Variants in LCOR observed in about 807,000 individuals in gnomAD.
LCOR encodes the protein ligand dependent nuclear receptor corepressor, also known as ligand-dependent corepressor.
A neutral mutation model predicts 64.4 loss-of-function variants in LCOR; 14 were observed. That is an observed-to-expected ratio of 0.22 (90% CI 0.14 to 0.34). The LOEUF is 0.34. LCOR is among the 10% of genes least tolerant of loss of function. The probability of loss-of-function intolerance (pLI) is 1.00; values close to 1 mark genes in which losing one functional copy is unlikely to be tolerated. For synonymous variants in LCOR, 643 were observed against 642.5 expected, an observed-to-expected ratio of 1.00 and a Z score of -0.01; for missense variants, 1,686 against 1,765.3, an observed-to-expected ratio of 0.96 and a Z score of 0.80.
In LCOR at chr10:96,984,935, C is replaced by T. The variant is rs772837298; in HGVS notation, c.4475C>T (p.Thr1492Met). ...PSQSIASETL[T>M]KPAKQKGAGE... ...CAGTCTATTGCCTCGGAAACACTGA[C>T]GAAACCTGCAAAACAGAAGGGGGCC... is the stretch of plus-strand genomic sequence containing the variant. Residue 1492 changes from threonine to methionine, a missense_variant, in exon 8 of 8, where the codon ACG becomes ATG. Around this residue, in one of 3 missense-constraint regions of LCOR, gnomAD observed 1,293 missense variants for 1,410.4 expected, o/e 0.92. Transcript: ENST00000421806. The T allele has an allele frequency of 1.1e-5, 18 of 1,613,990 alleles. No homozygotes were observed. The East Asian group carries it at 2.0e-4, about 18-fold the overall frequency.
Position 96,984,812 on chromosome 10 carries a change from C to A in LCOR, c.4352C>A (p.Ser1451Tyr). The A allele has an allele frequency of 4.3e-6, 7 of 1,614,098 alleles. No individual in the cohort carries two copies. The highest frequency in any genetic ancestry group is 1.6e-4 in the Middle Eastern group (1 of 6,062). The stretch of plus-strand genomic sequence containing the variant: ...AGCAGCCAACCCCCCAAAAAGACGT[C>A]TTTGAAAGAGAATAAAGTGAAGATC... The part of the protein sequence containing the change: ...DRSSQPPKKT[S>Y]LKENKVKIPK... The change falls in exon 8 of 8, where the codon TCT becomes TAT. Residue 1451 changes from serine to tyrosine, a missense_variant. By Grantham distance (144) the Ser-to-Tyr change is moderately radical. Around this residue, in one of 3 missense-constraint regions of LCOR, gnomAD observed 1,293 missense variants for 1,410.4 expected, o/e 0.92. Coordinates refer to ENST00000421806, the MANE Select transcript of LCOR (RefSeq NM_001346516.2).
intron 4 of LCOR, among the ~76,000 whole-genome samples, chr10:96,932,531 T>A (rs948617335): frequency 3.9e-5 from 6 of 152,184 alleles, no homozygotes; most frequent in Non-Finnish European, 8.8e-5. Flanking sequence ...TGGTGCGATC[T>A]TGGTTCACTG....
chr10:96,908,499 A>C (rs947720891), intron 4 of LCOR, among the ~76,000 whole-genome samples: 2 of 152,224 alleles, frequency 1.3e-5, no homozygotes, highest in Non-Finnish European at 2.9e-5. Flanking sequence ...ACACTTCTTC[A>C]TAATATCTGG....
chr10:96,880,910 A>T (rs1209590940), intron 2 of LCOR, among the ~76,000 whole-genome samples: 1 of 152,256 alleles, frequency 6.6e-6, no homozygotes, highest in Non-Finnish European at 1.5e-5. Context: ...GTGACTGTCA[A>T]GTCTTTCAAG....
In LCOR at chr10:96,984,598, G is replaced by A; in HGVS notation, c.4138G>A (p.Gly1380Arg). The change falls in exon 8 of 8, where the codon GGA (glycine) becomes AGA (arginine). Residue 1380 changes from glycine to arginine, a missense_variant. Around this residue, in one of 3 missense-constraint regions of LCOR, gnomAD observed 1,293 missense variants for 1,410.4 expected, o/e 0.92. Transcript: ENST00000421806. ...GCCCAAGAGTACTGAAGGAATGAAG[G>A]GAAGGAAGGGGAAGCAGGTGTCTGA... ...VKPKSTEGMKGRKGKQVSEIL... is the reference protein window; with the variant it reads ...VKPKSTEGMKRRKGKQVSEIL... 1 of 1,614,182 alleles carries A rather than the reference G, an allele frequency of 6.2e-7. No homozygotes were observed. The highest frequency in any genetic ancestry group is 8.5e-7 in the Non-Finnish European group (1 of 1,180,032).
intron 2 of LCOR, among the ~76,000 whole-genome samples, chr10:96,903,418 A>G (rs955815681): frequency 2.6e-5 from 4 of 152,038 alleles, no homozygotes; most frequent in Non-Finnish European, 5.9e-5. Flanking sequence ...ATGTGATTGT[A>G]CTTTATTGAA....
intron 4 of LCOR, among the ~76,000 whole-genome samples, chr10:96,912,533 G>C (rs1410442321): frequency 1.3e-5 from 2 of 152,104 alleles, no homozygotes; most frequent in African/African-American, 2.4e-5. Flanking sequence ...CAGAAAGCAC[G>C]TGGTGATGTT....
chr10:96,890,773 A>G (rs1432439404), intron 2 of LCOR, among the ~76,000 whole-genome samples: 4 of 152,196 alleles, frequency 2.6e-5, no homozygotes, highest in Non-Finnish European at 1.5e-5. Context: ...GACTTTGTCC[A>G]GTGCTTTTCC....
At chr10:96,849,778 C>T (rs1365937092) in intron 2 of LCOR, among the ~76,000 whole-genome samples, 1 of 151,752 alleles carries the variant, frequency 6.6e-6, no homozygotes, top group East Asian at 1.9e-4. Context: ...AATAAGATGG[C>T]ATGTGTGCAG....
At chr10:96,901,167 C>T (rs1193631257) in intron 2 of LCOR, among the ~76,000 whole-genome samples, 4 of 151,474 alleles carry the variant, frequency 2.6e-5, no homozygotes, top group South Asian at 2.1e-4. Context: ...CCAGCCTGGG[C>T]GACAGAGACT....
intron 7 of LCOR, among the ~76,000 whole-genome samples, chr10:96,979,066 C>T (rs927442789): frequency 2.0e-5 from 3 of 152,212 alleles, no homozygotes; most frequent in African/African-American, 7.2e-5. Flanking sequence ...TCCACTGTGA[C>T]CCCACTGCTC....
chr10:96,925,527 C>T (rs1847153839), intron 4 of LCOR, among the ~76,000 whole-genome samples: 1 of 152,256 alleles, frequency 6.6e-6, no homozygotes, highest in African/African-American at 2.4e-5. Flanking sequence ...GATATATCCT[C>T]CTTTATGCAT....
intron 2 of LCOR, among the ~76,000 whole-genome samples, chr10:96,892,536 A>G (rs1846463989): frequency 6.6e-6 from 1 of 152,134 alleles, no homozygotes; most frequent in African/African-American, 2.4e-5. Flanking sequence ...TCACATGACA[A>G]AAGGATGAGG....
chr10:96,907,232 T>C (rs1281480587), intron 2 of LCOR, 33 bp from the exon 3 acceptor site: 6 of 766,960 alleles, frequency 7.8e-6, no homozygotes, highest in Non-Finnish European at 9.5e-6. Flanking sequence ...ATGAATATTA[T>C]TGTGGTAATG....
chr10:96,873,567 CACACGTGTGTGTGTGTGTGTGT>C (rs1234268620), intron 2 of LCOR, among the ~76,000 whole-genome samples: 15 of 118,444 alleles, frequency 1.3e-4, no homozygotes, highest in Admixed American at 4.5e-4. Context: ...TACACACACA[CACACGTGTGTGTGTGTGTGTGT>C]GTGTGTGTGT....
intron 2 of LCOR, among the ~76,000 whole-genome samples, chr10:96,868,574 G>A (rs545721962): frequency 3.3e-5 from 5 of 152,016 alleles, no homozygotes; most frequent in African/African-American, 7.2e-5. Context: ...CTTCCTGGTC[G>A]GAGTGGTTAC....
chr10:96,956,630 TTACTTTGAACAC>T, intron 7 of LCOR: 18 of 985,906 alleles, frequency 1.8e-5, no homozygotes, highest in Non-Finnish European at 2.2e-5. Context: ...CTTCAGTTAA[TTACTTTGAACAC>T]TACCTTTGCT....
intron 2 of LCOR, among the ~76,000 whole-genome samples, chr10:96,842,816 G>C (rs1845564563): frequency 6.6e-6 from 1 of 151,674 alleles, no homozygotes; most frequent in Non-Finnish European, 1.5e-5. Flanking sequence ...TTTTTTGGTA[G>C]AGAGGGGTTT....
At chr10:96,907,207 T>TTA in intron 2 of LCOR, 58 bp from the exon 3 acceptor site, 1 of 544,132 alleles carries the variant, frequency 1.8e-6, no homozygotes, top group Non-Finnish European at 2.3e-6. Flanking sequence ...TATGCAAAGA[T>TTA]TATTCAATAC....
Sources: allele counts gnomAD v4.1 joint callset (sites outside exome capture counted in the v4.1 genomes callset), GRCh38; gene constraint gnomAD v4.1.1; regional missense constraint gnomAD v4.1.1; transcripts MANE v1.5; gene names NCBI Gene and HGNC (gene_info 2026-07-23, HGNC 2026-07-21).